Variants in DACT2 observed in about 807,000 individuals in gnomAD.
DACT2 encodes the protein dishevelled binding antagonist of beta catenin 2.
Under a neutral mutation model 22.2 loss-of-function variants are expected in DACT2, and 20 were observed. That is an observed-to-expected ratio of 0.90 (90% CI 0.63 to 1.31). The LOEUF (loss-of-function observed/expected upper bound fraction) is 1.31. Ranked by LOEUF, DACT2 falls within the 50% of genes most tolerant of loss-of-function variation. The pLI, the probability that DACT2 is intolerant of heterozygous loss-of-function variation, is 0.00. For synonymous variants in DACT2, 463 were observed against 479.8 expected (o/e 0.96, Z 0.46); for missense variants, 1,048 against 1,061.4 (o/e 0.99, Z 0.18).
exon 6 of DACT2, chr6:168,293,633 T>C (rs894338113): frequency 2.9e-5 from 14 of 485,416 alleles, no homozygotes; most frequent in African/African-American, 2.7e-4. Flanking sequence ...TCCAGTCTAT[T>C]TGTTAGGGAG....
chr6:168,319,550 C>A lies in DACT2; in HGVS notation c.84G>T (p.Gly28=), dbSNP rs1436930478. 8 of 1,377,462 alleles carry A rather than the reference C, an allele frequency of 5.8e-6. No homozygotes were observed. Among genetic ancestry groups the A allele is most frequent in the Non-Finnish European group, 7.6e-6 (8 of 1,057,464 alleles). The allele number at this position is 1,377,462 out of a possible 1,614,324, so 85.3% of individuals were successfully genotyped here. The change falls in exon 1 of 4, where the codon GGG becomes GGT. Residue 28 remains glycine, a synonymous_variant. Transcript: ENST00000366795. Reference sequence around the variant, plus strand: ...CTCGCAGCCCCTGCAGCTCCTGCAGCCCCGCGAACGCCGCGCGCAACCTCG... The same window carrying A: ...CTCGCAGCCCCTGCAGCTCCTGCAGACCCGCGAACGCCGCGCGCAACCTCG... ...LGARLRAAFA[G]LQELQGLRAT...
intron 3 of DACT2, among the ~76,000 whole-genome samples, chr6:168,295,881 G>A (rs1376488242): frequency 6.6e-6 from 1 of 152,256 alleles, no homozygotes; most frequent in Non-Finnish European, 1.5e-5. Context: ...GAAATAAACT[G>A]TGAAAGAGAA....
chr6:168,303,522 GC>G (rs1385205448), downstream of DACT2, among the ~76,000 whole-genome samples: 2 of 152,100 alleles, frequency 1.3e-5, no homozygotes, highest in Non-Finnish European at 2.9e-5. Context: ...CTTTACACAC[GC>G]CCGGTCCCCT....
At chr6:168,301,516 A>C (rs187704130) in intron 3 of DACT2, among the ~76,000 whole-genome samples, 1 of 152,214 alleles carries the variant, frequency 6.6e-6, no homozygotes, top group African/African-American at 2.4e-5. Flanking sequence ...GAAGCTCAAC[A>C]GTAACTTCTG....
downstream of DACT2, among the ~76,000 whole-genome samples, chr6:168,305,500 C>T (rs1218492963): frequency 6.6e-6 from 1 of 152,186 alleles, no homozygotes; most frequent in Non-Finnish European, 1.5e-5. Flanking sequence ...GGAGGATGAA[C>T]AGGAAGTTTG....
rs1247478432 is a variant in DACT2, at chr6:168,307,295, C to T, written c.*137G>A. The T allele has an allele frequency of 6.1e-6, 9 of 1,469,022 alleles. No homozygotes were observed. Among genetic ancestry groups the T allele is most frequent in the African/African-American group, 4.3e-5 (3 of 70,294 alleles). 91.0% of individuals were successfully genotyped at this position (1,469,022 alleles called of 1,614,324 possible). On this transcript the variant is annotated 3_prime_UTR_variant, in exon 4 of 4. Transcript: ENST00000366795. This position sits in a 1 kb window ranked among gnomAD's most constrained non-coding sequence, Gnocchi z 5.3. ...TACTCCACAGGGCAGAACCCATCTGCGGGGACTCCTGTTAAACGGTGGCCT... is the reference window on the plus strand; with the variant it reads ...TACTCCACAGGGCAGAACCCATCTGTGGGGACTCCTGTTAAACGGTGGCCT...
chr6:168,318,912 G>T (rs1779577373), intron 1 of DACT2, among the ~76,000 whole-genome samples: 6 of 152,124 alleles, frequency 3.9e-5, no homozygotes. Context: ...AGGACAAGTC[G>T]GGGTGCGCTT....
In DACT2 at chr6:168,307,178, G is replaced by T; in HGVS notation, c.*254C>A. ...GGAAGCAGCATCCTGGGCAGACCTT[G>T]AAAAGAGACACTAGGTCGGCCGGGG... On this transcript the variant is annotated 3_prime_UTR_variant, in exon 4 of 4. Transcript: ENST00000366795. This position sits in a 1 kb window ranked among gnomAD's most constrained non-coding sequence, Gnocchi z 5.3. 7.4e-7 allele frequency: 1 copy of T among 1,351,300 alleles called. No individual in the cohort carries two copies. Among genetic ancestry groups the T allele is most frequent in the South Asian group, 1.7e-5 (1 of 58,614 alleles). 83.7% of individuals were successfully genotyped at this position (1,351,300 alleles called of 1,614,324 possible).
downstream of DACT2, among the ~76,000 whole-genome samples, chr6:168,305,446 G>A (rs552998802): frequency 2.3e-4 from 35 of 152,314 alleles, no homozygotes; most frequent in Middle Eastern, 3.4e-3. Flanking sequence ...CCTGCAACAC[G>A]GAGTCGGAGC....
rs933551685 is a variant in DACT2 at position 168,307,321 on chromosome 6, C to T, written c.*111G>A. 4.6e-5 allele frequency: 68 copies of T among 1,487,150 alleles called. No individual in the cohort carries two copies. The Admixed American group carries it at 1.2e-3, about 25-fold the overall frequency. 92.1% of individuals were successfully genotyped at this position (1,487,150 alleles called of 1,614,324 possible). ...GGGGACTCCTGTTAAACGGTGGCCTCGGAAGATAAAGCGACTTGGCAAGAC... is the reference window on the plus strand; with the variant it reads ...GGGGACTCCTGTTAAACGGTGGCCTTGGAAGATAAAGCGACTTGGCAAGAC... On this transcript the variant is annotated 3_prime_UTR_variant, in exon 4 of 4. Coordinates refer to ENST00000366795, the MANE Select transcript of DACT2 (RefSeq NM_214462.5). This position sits in a 1 kb window ranked among gnomAD's most constrained non-coding sequence, Gnocchi z 5.3.
chr6:168,310,321 G>A lies in DACT2; in HGVS notation c.505C>T (p.Pro169Ser). The stretch of plus-strand genomic sequence containing the variant: ...CGGGGCCTCCAGTCCCCCATGCTGG[G>A]CCTGGCCTTGTGGGCCTGGGCCACA... ...LPVAQAHKAR[P>S]SMGDWRPRSV... Residue 169 changes from proline to serine, a missense_variant, in exon 3 of 4, where the codon CCC becomes TCC. Coordinates refer to ENST00000366795, the MANE Select transcript of DACT2 (RefSeq NM_214462.5). 9.0e-6 allele frequency: 14 copies of A among 1,551,614 alleles called. No homozygotes were observed. The highest frequency in any genetic ancestry group is 1.2e-5 in the Non-Finnish European group (14 of 1,146,958).
chr6:168,301,762 G>T (rs1779108947), intron 3 of DACT2, among the ~76,000 whole-genome samples: 1 of 152,196 alleles, frequency 6.6e-6, no homozygotes. Context: ...CCCACTCACT[G>T]CGGCAAGCCC....
At position 168,310,292 on chromosome 6, in the gene DACT2, C is replaced by A; in HGVS notation, c.534G>T (p.Ser178=). The A allele has an allele frequency of 6.4e-7, 1 of 1,551,538 alleles. No individual in the cohort carries two copies. Residue 178 remains serine (S), a synonymous_variant, in exon 3 of 4, where the codon TCG becomes TCT. Coordinates refer to ENST00000366795, the MANE Select transcript of DACT2 (RefSeq NM_214462.5). ...ACGCTGGCACAGTAGTCTCATCAAC[C>A]GACCGGGGCCTCCAGTCCCCCATGC... ...RPSMGDWRPR[S]VDETTVPAWR...
intron 3 of DACT2, among the ~76,000 whole-genome samples, chr6:168,309,720 G>A (rs1779345778): frequency 6.6e-6 from 1 of 152,224 alleles, no homozygotes; most frequent in South Asian, 2.1e-4. Context: ...TACTAAACCA[G>A]GCCTTGTATT....
In DACT2 at chr6:168,319,587, C is replaced by T; in HGVS notation, c.47G>A (p.Arg16His). ...CGCGCGCAACCTCGCGCCCAACCTACGGCGGTCCCAGCCCGCGGACCCCGG... is the reference window on the plus strand; with the variant it reads ...CGCGCGCAACCTCGCGCCCAACCTATGGCGGTCCCAGCCCGCGGACCCCGG... ...GPPGSAGWDR[R>H]RLGARLRAAF... Residue 16 changes from arginine (R) to histidine (H), a missense_variant, in exon 1 of 4, where the codon CGT becomes CAT. Transcript: ENST00000366795. The T allele has an allele frequency of 1.5e-6, 2 of 1,365,544 alleles. No homozygotes were observed. The highest frequency in any genetic ancestry group is 3.2e-5 in the East Asian group (1 of 30,970). 84.6% of individuals were successfully genotyped at this position (1,365,544 alleles called of 1,614,324 possible). A position where few individuals can be genotyped will look rare whatever the true frequency, so the allele number is the denominator to read the frequency against.
At chr6:168,310,547 C>G in intron 2 of DACT2, 101 bp from the exon 3 acceptor site, 1 of 1,452,708 alleles carries the variant, frequency 6.9e-7, no homozygotes, top group South Asian at 1.4e-5. Context: ...CCCAGGGGAA[C>G]CCCTGAGCTG....
downstream of DACT2, among the ~76,000 whole-genome samples, chr6:168,306,037 G>A (rs1006298267): frequency 5.9e-5 from 9 of 152,200 alleles, no homozygotes; most frequent in Non-Finnish European, 1.2e-4. Flanking sequence ...GAGCTAAGCA[G>A]CAGCCTCCCC....
Position 168,319,449 on chromosome 6 carries a change from TG to T in DACT2, c.184del (p.His62ThrfsTer24), listed in dbSNP as rs1779592654. 1.7e-6 allele frequency: 2 copies of T among 1,204,844 alleles called. No homozygotes were observed. Among genetic ancestry groups the T allele is most frequent in the East Asian group, 3.4e-5 (1 of 28,992 alleles). 74.6% of individuals were successfully genotyped at this position (1,204,844 alleles called of 1,614,324 possible). A position where few individuals can be genotyped will look rare whatever the true frequency, so the allele number is the denominator to read the frequency against. ...PPAPAAPCGP[H>X]GLHGPEQQLE... ...CTGCTGCTCGGGGCCGTGGAGGCCGTGGGGGCCGCAGGGCGCGGCGGGCGCG... is the reference window on the plus strand; with the variant it reads ...CTGCTGCTCGGGGCCGTGGAGGCCGTGGGGCCGCAGGGCGCGGCGGGCGCG... On this transcript the variant is annotated frameshift_variant, in exon 1 of 4. Coordinates refer to ENST00000366795, the MANE Select transcript of DACT2 (RefSeq NM_214462.5). LOFTEE classifies it high-confidence loss of function.
intron 1 of DACT2, 58 bp from the exon 2 acceptor site, chr6:168,311,342 G>C (rs556785310): frequency 1.4e-6 from 2 of 1,470,868 alleles, no homozygotes; most frequent in Non-Finnish European, 1.8e-6. Context: ...AAAACTTAAG[G>C]CTCAAAGGGG....
Sources: allele counts gnomAD v4.1 joint callset (sites outside exome capture counted in the v4.1 genomes callset), GRCh38; gene constraint gnomAD v4.1.1; non-coding constraint Gnocchi (gnomAD v3.1); transcripts MANE v1.5; gene names NCBI Gene and HGNC (gene_info 2026-07-23, HGNC 2026-07-21).